Variants in OR2L13 observed in about 807,000 individuals in gnomAD.
OR2L13 encodes olfactory receptor 2L13.
OR2L13 carries 14 observed loss-of-function variants against 15.3 expected under a neutral mutation model. That is an observed-to-expected ratio of 0.91 (90% CI 0.60 to 1.43). OR2L13 has a LOEUF of 1.43. OR2L13 is among the 40% of genes most tolerant of loss of function. The probability of loss-of-function intolerance (pLI) is 0.00; values close to 1 mark genes in which losing one functional copy is unlikely to be tolerated. For missense variants in OR2L13, 367 were observed against 387.9 expected (o/e 0.95, Z 0.45); for synonymous variants, 152 against 142.9 (o/e 1.06, Z -0.45).
At chr1:248,060,694 A>G in the OR2L13 span, 1 of 1,612,376 alleles carries the variant, frequency 6.2e-7, no homozygotes, top group South Asian at 1.1e-5. Context: ...GGAAAATTAC[A>G]ATCAAACATC....
chr1:248,023,121 C>T, the OR2L13 span: 4 of 362,448 alleles, frequency 1.1e-5, no homozygotes, highest in Admixed American at 1.3e-4. Flanking sequence ...AATTGTAAGG[C>T]CATAGAATTT....
At chr1:247,968,701 TC>T in the OR2L13 span, among the ~76,000 whole-genome samples, 1 of 152,134 alleles carries the variant, frequency 6.6e-6, no homozygotes, top group East Asian at 1.9e-4. Flanking sequence ...TGCATAGTAT[TC>T]CATGGTGTAT....
the OR2L13 span, chr1:247,965,942 G>A: frequency 6.2e-7 from 1 of 1,609,214 alleles, no homozygotes; most frequent in Non-Finnish European, 8.5e-7. Flanking sequence ...TCATTGGTGT[G>A]TCAGGACACC....
chr1:248,069,039 C>G, the OR2L13 span, among the ~76,000 whole-genome samples: 3 of 152,084 alleles, frequency 2.0e-5, no homozygotes, highest in Admixed American at 6.5e-5. Flanking sequence ...AACCAAGTTG[C>G]AAAACACTCA....
the OR2L13 span, among the ~76,000 whole-genome samples, chr1:247,947,491 T>C: frequency 5.9e-5 from 9 of 152,242 alleles, no homozygotes; most frequent in East Asian, 1.9e-4. Flanking sequence ...TGGAGTGGAA[T>C]TTCTAACACA....
At chr1:248,045,628 G>C in the OR2L13 span, among the ~76,000 whole-genome samples, 1 of 152,116 alleles carries the variant, frequency 6.6e-6, no homozygotes, top group Admixed American at 6.6e-5. Context: ...TAAAAATCAC[G>C]GTTGTAAACT....
chr1:248,084,974 A>G, the OR2L13 span, among the ~76,000 whole-genome samples: 1 of 152,182 alleles, frequency 6.6e-6, no homozygotes, highest in Admixed American at 6.5e-5. Context: ...CTCTTCCAGC[A>G]TTTACCAACA....
the OR2L13 span, among the ~76,000 whole-genome samples, chr1:248,033,557 C>T: frequency 1.3e-5 from 2 of 151,898 alleles, no homozygotes; most frequent in Non-Finnish European, 2.9e-5. Context: ...CCATCTCAAG[C>T]CCCCAAGTAG....
At chr1:248,038,087 A>T in the OR2L13 span, 3 of 500,460 alleles carry the variant, frequency 6.0e-6, no homozygotes, top group Non-Finnish European at 1.1e-5. Context: ...TGCCTAATTT[A>T]TAAATTAAAG....
chr1:248,033,137 G>C, the OR2L13 span, among the ~76,000 whole-genome samples: 1 of 152,036 alleles, frequency 6.6e-6, no homozygotes, highest in Non-Finnish European at 1.5e-5. Flanking sequence ...ATCATAAATC[G>C]AGAAGCCTCT....
the OR2L13 span, among the ~76,000 whole-genome samples, chr1:247,995,044 A>G: frequency 6.6e-6 from 1 of 152,108 alleles, no homozygotes; most frequent in African/African-American, 2.4e-5. Context: ...TGTTCTCTTC[A>G]TGTTAAATTG....
At chr1:248,048,923 C>CTT in the OR2L13 span, among the ~76,000 whole-genome samples, 26,639 of 141,558 alleles carry the variant, frequency 0.19, 3,354 homozygotes, top group African/African-American at 0.37. Context: ...TTCTCTCTCT[C>CTT]TTTTTTTTTT....
the OR2L13 span, among the ~76,000 whole-genome samples, chr1:248,072,355 C>T: frequency 1.3e-5 from 2 of 152,142 alleles, no homozygotes; most frequent in Non-Finnish European, 2.9e-5. Context: ...TTTGACAAAC[C>T]TGAGAAAAAC....
the OR2L13 span, among the ~76,000 whole-genome samples, chr1:247,943,485 G>A: frequency 6.6e-6 from 1 of 152,040 alleles, no homozygotes; most frequent in Non-Finnish European, 1.5e-5. Flanking sequence ...GAAATTGTTG[G>A]ATCATATACT....
chr1:248,087,231 T>C, the OR2L13 span, among the ~76,000 whole-genome samples: 416 of 152,244 alleles, frequency 2.7e-3, 2 homozygotes, highest in African/African-American at 9.8e-3. Context: ...ACAAATTCAA[T>C]CATTTGACCT....
the OR2L13 span, among the ~76,000 whole-genome samples, chr1:248,005,057 A>T: frequency 1.3e-5 from 2 of 152,194 alleles, no homozygotes; most frequent in African/African-American, 4.8e-5. Context: ...GATGGTTAAC[A>T]GTTGCAAAAA....
chr1:248,010,862 G>A, the OR2L13 span, among the ~76,000 whole-genome samples: 1 of 146,534 alleles, frequency 6.8e-6, no homozygotes, highest in Non-Finnish European at 1.5e-5. Context: ...TGTGAGATGG[G>A]TCTCCTGAAT....
the OR2L13 span, chr1:248,084,592 T>G: frequency 3.1e-6 from 5 of 1,601,410 alleles, no homozygotes; most frequent in African/African-American, 6.7e-5. Context: ...ATTTCTCATC[T>G]CCATAATTTC....
the OR2L13 span, among the ~76,000 whole-genome samples, chr1:247,999,204 AATTTG>A: frequency 1.3e-5 from 2 of 152,118 alleles, no homozygotes; most frequent in Non-Finnish European, 2.9e-5. Context: ...TAAGAGATAG[AATTTG>A]ATTTAATTTT....
Sources: gnomAD v4.1 joint callset for allele counts (sites outside exome capture counted in the v4.1 genomes callset) on GRCh38, gnomAD v4.1.1 for gene constraint, MANE v1.5 for transcripts, NCBI Gene and HGNC (gene_info 2026-07-23, HGNC 2026-07-21) for gene names.